Variants in GARNL3 observed in about 807,000 individuals in gnomAD.
GARNL3 encodes the protein GTPase-activating Rap/Ran-GAP domain-like protein 3.
A neutral mutation model predicts 125.0 loss-of-function variants in GARNL3; 63 were observed. That is an observed-to-expected ratio of 0.50 (90% CI 0.41 to 0.62). The LOEUF (loss-of-function observed/expected upper bound fraction) is 0.62, where lower values mean the gene tolerates loss of function less well. Ranked by LOEUF, GARNL3 falls within the 20% of genes least tolerant of loss-of-function variation. GARNL3 has a pLI of 0.00. For synonymous variants in GARNL3, 439 were observed against 457.5 expected, an observed-to-expected ratio of 0.96 and a Z score of 0.52; for missense variants, 994 against 1,244.0, an observed-to-expected ratio of 0.80 and a Z score of 3.02.
intron 1 of GARNL3, among the ~76,000 whole-genome samples, chr9:127,241,035 AGT>A (rs2063193943): frequency 6.6e-6 from 1 of 152,262 alleles, no homozygotes; most frequent in African/African-American, 2.4e-5. Context: ...TTCAAAACCC[AGT>A]GTGTAACACA....
chr9:127,291,847 G>T lies in GARNL3; in HGVS notation c.219+605G>T, dbSNP rs368254588. Among the ~76,000 whole-genome samples the T allele has an allele frequency of 6.7e-5, 10 of 149,988 alleles. No homozygotes were observed. In the East Asian group the frequency reaches 1.2e-3, roughly 18 times the overall value. On this transcript the variant is annotated intron_variant, in intron 2 of 27. Coordinates refer to ENST00000373387, the MANE Select transcript of GARNL3 (RefSeq NM_032293.5). Reference sequence around the variant, plus strand: ...TTCTTCTTTGCTGCCTTTTTACACGGTAGCTCATCATAGCTCTAGTTCCCT... The same window carrying T: ...TTCTTCTTTGCTGCCTTTTTACACGTTAGCTCATCATAGCTCTAGTTCCCT...
intron 20 of GARNL3, 103 bp downstream of exon 20, chr9:127,355,575 T>G (rs895894540): frequency 7.4e-6 from 8 of 1,082,978 alleles, no homozygotes; most frequent in African/African-American, 1.6e-5. Context: ...GTCCCACTGT[T>G]TAGTAGCCAA....
At chr9:127,248,886 C>T (rs1368546033) in intron 2 of GARNL3, among the ~76,000 whole-genome samples, 9 of 152,070 alleles carry the variant, frequency 5.9e-5, no homozygotes, top group African/African-American at 1.4e-4. Context: ...GCTTGGATTA[C>T]AGGAGTGAGC....
chr9:127,352,980 A>G (rs10819276), intron 17 of GARNL3, among the ~76,000 whole-genome samples: 66,289 of 152,142 alleles, frequency 0.44, 16,437 homozygotes, highest in East Asian at 0.71. Flanking sequence ...TGATTCTGCC[A>G]TCCATCTCAG....
rs543412143 is a variant in GARNL3, at chr9:127,271,114, A to T, written c.144+6093A>T. ...CAAGTCAGTTTCAAAGAAGGGCATG[A>T]GCTGAGCTGGAACTCCCAAATGTGT... On this transcript the variant is annotated intron_variant, in intron 1 of 27. Coordinates refer to ENST00000373387, the MANE Select transcript of GARNL3 (RefSeq NM_032293.5). Among the ~76,000 whole-genome samples the T allele has an allele frequency of 7.8e-4, 118 of 150,400 alleles. 3 individuals carry two copies. The highest frequency in any genetic ancestry group is 3.4e-3 in the Middle Eastern group (1 of 294).
chr9:127,351,736 T>C (rs1830434988), intron 17 of GARNL3, among the ~76,000 whole-genome samples: 1 of 152,224 alleles, frequency 6.6e-6, no homozygotes, highest in South Asian at 2.1e-4. Flanking sequence ...ACCTTTTGTA[T>C]CCTAAGTTAG....
chr9:127,383,597 C>T, intron 23 of GARNL3, 52 bp downstream of exon 23: 1 of 1,209,114 alleles, frequency 8.3e-7, no homozygotes, highest in Non-Finnish European at 1.2e-6. Flanking sequence ...TATGTCTGAA[C>T]TATTGTAAGC....
At chr9:127,329,488 A>G (rs1273033379) in intron 7 of GARNL3, among the ~76,000 whole-genome samples, 1 of 151,934 alleles carries the variant, frequency 6.6e-6, no homozygotes, top group Non-Finnish European at 1.5e-5. Context: ...GACCCTAATA[A>G]CTTGTGATGA....
chr9:127,327,609 C>T (rs944043142), intron 7 of GARNL3, among the ~76,000 whole-genome samples: 8 of 152,086 alleles, frequency 5.3e-5, no homozygotes, highest in East Asian at 1.9e-4. Flanking sequence ...ATATTGCCCA[C>T]GCTGACTTCC....
chr9:127,344,938 T>G (rs1000393975), intron 15 of GARNL3, among the ~76,000 whole-genome samples: 3 of 151,886 alleles, frequency 2.0e-5, no homozygotes, highest in African/African-American at 4.8e-5. Flanking sequence ...GAAGGAGGAG[T>G]GCCCTCAGCT....
At chr9:127,334,551 A>C (rs2131581224) in intron 9 of GARNL3, among the ~76,000 whole-genome samples, 1 of 152,260 alleles carries the variant, frequency 6.6e-6, no homozygotes, top group South Asian at 2.1e-4. Flanking sequence ...CACAAGGTGA[A>C]TTCTTCAATG....
intron 2 of GARNL3, among the ~76,000 whole-genome samples, chr9:127,299,388 A>G (rs1018956299): frequency 6.6e-6 from 1 of 151,650 alleles, no homozygotes; most frequent in Non-Finnish European, 1.5e-5. Flanking sequence ...ATTCTATTCC[A>G]TGCATAAGCG....
At chr9:127,373,216 C>T (rs1831701791) in intron 22 of GARNL3, among the ~76,000 whole-genome samples, 1 of 152,170 alleles carries the variant, frequency 6.6e-6, no homozygotes, top group Non-Finnish European at 1.5e-5. Flanking sequence ...CCAGATGAAC[C>T]AGGGACCTTC....
At chr9:127,345,515 C>T (rs7470730) in intron 16 of GARNL3, 38 bp downstream of exon 16, 1 of 1,265,224 alleles carries the variant, frequency 7.9e-7, no homozygotes, top group Non-Finnish European at 1.1e-6. Flanking sequence ...CTTTGAATTC[C>T]CCTTTTCCTT....
At chr9:127,238,478 C>T (rs140536121) in intron 1 of GARNL3, among the ~76,000 whole-genome samples, 1,809 of 152,290 alleles carry the variant, frequency 0.012, 16 homozygotes, top group Middle Eastern at 0.031. Flanking sequence ...GGAGTCACAA[C>T]ACAGGAGGGG....
chr9:127,250,275 A>G (rs1416708798), intron 2 of GARNL3, among the ~76,000 whole-genome samples: 1 of 152,238 alleles, frequency 6.6e-6, no homozygotes, highest in Non-Finnish European at 1.5e-5. Context: ...ACAGCCTTGT[A>G]TACTCTGAGT....
chr9:127,240,409 A>G (rs547783746), intron 1 of GARNL3, among the ~76,000 whole-genome samples: 14 of 152,116 alleles, frequency 9.2e-5, no homozygotes, highest in African/African-American at 3.1e-4. Context: ...TGAAGGATTC[A>G]CTTGGGCCTT....
chr9:127,316,905 A>G (rs1158399186), intron 4 of GARNL3, among the ~76,000 whole-genome samples: 1 of 152,264 alleles, frequency 6.6e-6, no homozygotes, highest in Non-Finnish European at 1.5e-5. Context: ...CCAATAGCAC[A>G]AGAAAAATCA....
At chr9:127,271,719 A>G (rs1415835904) in intron 1 of GARNL3, among the ~76,000 whole-genome samples, 3 of 150,206 alleles carry the variant, frequency 2.0e-5, no homozygotes, top group African/African-American at 7.6e-5. Flanking sequence ...TATCAGTGAT[A>G]AATGGTATGG....
Sources: gnomAD v4.1 joint callset for allele counts (sites outside exome capture counted in the v4.1 genomes callset) on GRCh38, gnomAD v4.1.1 for gene constraint, MANE v1.5 for transcripts, NCBI Gene and HGNC (gene_info 2026-07-23, HGNC 2026-07-21) for gene names.